Variants in IFT122 observed in about 807,000 individuals in gnomAD.
IFT122 encodes the protein intraflagellar transport protein 122 homolog.
Under a neutral mutation model 161.6 loss-of-function variants are expected in IFT122, and 118 were observed. That is an observed-to-expected ratio of 0.73 (90% CI 0.63 to 0.85). The LOEUF (loss-of-function observed/expected upper bound fraction) is 0.85. Among genes scored for constraint, IFT122 ranks in the 40% least tolerant of loss-of-function variants. The pLI, the probability that IFT122 is intolerant of heterozygous loss-of-function variation, is 0.00. For synonymous variants in IFT122, 550 were observed against 602.4 expected (o/e 0.91, Z 1.27); for missense variants, 1,381 against 1,579.6 (o/e 0.87, Z 2.13).
intron 1 of IFT122, among the ~76,000 whole-genome samples, chr3:129,449,375 T>C (rs1033768776): frequency 1.9e-4 from 29 of 152,194 alleles, no homozygotes; most frequent in African/African-American, 7.0e-4. Context: ...AAATGTAAGC[T>C]TTAGAATTGA....
chr3:129,462,127 T>G (rs1240923176), intron 5 of IFT122, among the ~76,000 whole-genome samples: 4 of 152,208 alleles, frequency 2.6e-5, no homozygotes, highest in African/African-American at 9.6e-5. Flanking sequence ...AGAATGGAAT[T>G]GAAAGCCAAT....
At chr3:129,464,395 G>A (rs1227412172) in intron 6 of IFT122, among the ~76,000 whole-genome samples, 1 of 152,180 alleles carries the variant, frequency 6.6e-6, no homozygotes, top group Non-Finnish European at 1.5e-5. Context: ...ACAGAGGGCT[G>A]GGGGAGCTCA....
chr3:129,454,085 A>G (rs2075164754), intron 3 of IFT122, among the ~76,000 whole-genome samples: 1 of 152,212 alleles, frequency 6.6e-6, no homozygotes, highest in African/African-American at 2.4e-5. Context: ...CTTTTGGCTG[A>G]TGGGCCTCTT....
In IFT122 at chr3:129,517,503, A is replaced by G. The variant is rs1388477029; in HGVS notation, c.3300A>G (p.Glu1100=). ...VLHLVEFYLE[E]GITDEEAISL... ...ACCTGGTTGAGTTCTACCTGGAGGAAGGGATCACTGATGAAGAAGCCATCT... is the reference window on the plus strand; with the variant it reads ...ACCTGGTTGAGTTCTACCTGGAGGAGGGGATCACTGATGAAGAAGCCATCT... The change falls in exon 27 of 30, where the codon GAA becomes GAG. Residue 1100 remains glutamate, a synonymous_variant. Transcript: ENST00000348417. 6.2e-7 allele frequency: 1 copy of G among 1,613,898 alleles called. No homozygotes were observed. The highest frequency in any genetic ancestry group is 2.2e-5 in the East Asian group (1 of 44,856).
intron 5 of IFT122, 67 bp downstream of exon 5, chr3:129,461,371 C>G: frequency 8.9e-7 from 1 of 1,123,196 alleles, no homozygotes; most frequent in Admixed American, 1.7e-5. Flanking sequence ...TGCTAAAATG[C>G]ATTCAGAATA....
At chr3:129,458,204 G>C (rs2075763924) in intron 3 of IFT122, among the ~76,000 whole-genome samples, 1 of 152,126 alleles carries the variant, frequency 6.6e-6, no homozygotes, top group Non-Finnish European at 1.5e-5. Flanking sequence ...AAGTAAAAAA[G>C]TAAATCAGGT....
intron 17 of IFT122, among the ~76,000 whole-genome samples, chr3:129,493,899 TTAAAG>T (rs1415115739): frequency 2.6e-5 from 4 of 152,202 alleles, no homozygotes; most frequent in African/African-American, 9.7e-5. Flanking sequence ...GGGAAGTGCG[TTAAAG>T]TAAACTCCTA....
At chr3:129,455,331 C>T (rs182409857) in intron 3 of IFT122, among the ~76,000 whole-genome samples, 159 of 152,120 alleles carry the variant, frequency 1.0e-3, no homozygotes, top group Non-Finnish European at 1.9e-3. Flanking sequence ...CGCCACCATG[C>T]CTAGCTAATT....
intron 1 of IFT122, among the ~76,000 whole-genome samples, chr3:129,445,984 G>C (rs2073941022): frequency 6.6e-6 from 1 of 152,052 alleles, no homozygotes; most frequent in Admixed American, 6.5e-5. Context: ...TCTCAACCAG[G>C]GCTCTTTTAA....
intron 2 of IFT122, among the ~76,000 whole-genome samples, chr3:129,451,510 A>G (rs1056043690): frequency 1.3e-5 from 2 of 152,196 alleles, no homozygotes; most frequent in Admixed American, 6.5e-5. Flanking sequence ...TGAAACATCT[A>G]TTATGTTGAT....
chr3:129,518,970 G>T, intron 27 of IFT122, 137 bp from the exon 28 acceptor site: 1 of 784,754 alleles, frequency 1.3e-6, no homozygotes, highest in Non-Finnish European at 2.3e-6. Flanking sequence ...CTTGGCCTGA[G>T]CCCCCTCTGT....
At position 129,449,751 on chromosome 3, in the gene IFT122, T is replaced by A. The variant is rs188968857; in HGVS notation, c.42-120T>A. 3.9e-6 allele frequency: 3 copies of A among 769,880 alleles called. No homozygotes were observed. The African/African-American group carries it at 5.1e-5, about 13-fold the overall frequency. The allele number at this position is 769,880 out of a possible 1,614,324, so 47.7% of individuals were successfully genotyped here. A position where few individuals can be genotyped will look rare whatever the true frequency, so the allele number is the denominator to read the frequency against. Reference sequence around the variant, plus strand: ...TGCAACAAATGCAATTCGTAGTTATTCTTTTTCTCCTCAGTACACACACAG... The same window carrying A: ...TGCAACAAATGCAATTCGTAGTTATACTTTTTCTCCTCAGTACACACACAG... On this transcript the variant is annotated intron_variant, in intron 1 of 29. Coordinates refer to ENST00000348417, the MANE Select transcript of IFT122 (RefSeq NM_052989.3).
rs770209993 is a variant in IFT122 at position 129,463,546 on chromosome 3, A to G, written c.350-14A>G. On this transcript the variant is annotated splice_polypyrimidine_tract_variant and intron_variant, in intron 5 of 29. Transcript: ENST00000348417. Reference sequence around the variant, plus strand: ...CAACCAATCCATCTTCTTTTATATTATTGTGCATTGAAGGGTTGTGGTCTC... The same window carrying G: ...CAACCAATCCATCTTCTTTTATATTGTTGTGCATTGAAGGGTTGTGGTCTC... The G allele has an allele frequency of 1.4e-5, 23 of 1,610,710 alleles. No homozygotes were observed. Among genetic ancestry groups the G allele is most frequent in the Non-Finnish European group, 2.0e-5 (23 of 1,177,074 alleles).
At chr3:129,499,144 G>A (rs2081239749) in intron 18 of IFT122, among the ~76,000 whole-genome samples, 1 of 152,176 alleles carries the variant, frequency 6.6e-6, no homozygotes, top group Admixed American at 6.5e-5. Context: ...GCCTCCTGCT[G>A]TCCCACTGTC....
chr3:129,500,161 T>G, intron 19 of IFT122, 93 bp downstream of exon 19: 2 of 1,428,678 alleles, frequency 1.4e-6, no homozygotes, highest in Non-Finnish European at 2.0e-6. Context: ...GCTTTTCTAA[T>G]TATCTAAAGC....
intron 23 of IFT122, among the ~76,000 whole-genome samples, chr3:129,509,347 G>C (rs1256147060): frequency 2.6e-5 from 4 of 152,164 alleles, no homozygotes; most frequent in Non-Finnish European, 5.9e-5. Context: ...GAGAGGATCA[G>C]CTTCGATGAT....
intron 11 of IFT122, among the ~76,000 whole-genome samples, chr3:129,477,400 T>C (rs985099392): frequency 2.0e-5 from 3 of 152,262 alleles, no homozygotes; most frequent in Admixed American, 2.0e-4. Flanking sequence ...CATATCTGGA[T>C]GTGCTGGCCT....
chr3:129,491,299 G>A (rs112016935), intron 16 of IFT122, among the ~76,000 whole-genome samples: 4 of 152,238 alleles, frequency 2.6e-5, no homozygotes, highest in Non-Finnish European at 5.9e-5. Context: ...TGGAGCTGCT[G>A]CCTCCTCTAG....
At chr3:129,491,656 ACCAGGGGCTCTGGGTCC>A (rs2080100610) in intron 16 of IFT122, among the ~76,000 whole-genome samples, 1 of 152,144 alleles carries the variant, frequency 6.6e-6, no homozygotes, top group African/African-American at 2.4e-5. Flanking sequence ...CCTCTGTGGT[ACCAGGGGCTCTGGGTCC>A]CCTGTGTCTG....
Sources: gnomAD v4.1 joint callset for allele counts (sites outside exome capture counted in the v4.1 genomes callset) on GRCh38, gnomAD v4.1.1 for gene constraint, MANE v1.5 for transcripts, NCBI Gene and HGNC (gene_info 2026-07-23, HGNC 2026-07-21) for gene names.